The following SLC20A2 variants were observed in gnomAD, a reference collection of about 807,000 sequenced individuals.
The protein encoded by SLC20A2 is sodium-dependent phosphate transporter 2.
SLC20A2 carries 30 observed loss-of-function variants against 61.0 expected under a neutral mutation model. That is an observed-to-expected ratio of 0.49 (90% CI 0.37 to 0.67). SLC20A2 has a LOEUF of 0.67. Ranked by LOEUF, SLC20A2 falls within the 30% of genes least tolerant of loss-of-function variation. The probability of loss-of-function intolerance (pLI) is 0.00; values close to 1 mark genes in which losing one functional copy is unlikely to be tolerated. For synonymous variants in SLC20A2, 351 were observed against 353.3 expected (o/e 0.99, Z 0.07); for missense variants, 626 against 866.4 (o/e 0.72, Z 3.48).
intron 8 of SLC20A2, among the ~76,000 whole-genome samples, chr8:42,435,613 C>G (rs567533185): frequency 6.6e-6 from 1 of 151,372 alleles, no homozygotes; most frequent in South Asian, 2.1e-4. Flanking sequence ...CACACCAGGC[C>G]TGGGCGTGGG....
chr8:42,436,354 C>T (rs993032067), intron 8 of SLC20A2, among the ~76,000 whole-genome samples: 6 of 152,264 alleles, frequency 3.9e-5, no homozygotes, highest in African/African-American at 1.4e-4. Flanking sequence ...CATCCAGGGC[C>T]TCCGTCATCC....
intron 1 of SLC20A2, among the ~76,000 whole-genome samples, chr8:42,518,979 A>G (rs1811480590): frequency 6.6e-6 from 1 of 152,246 alleles, no homozygotes; most frequent in Admixed American, 6.5e-5. Flanking sequence ...TACTAATCTC[A>G]GCAGAGCCAT....
rs1456163126 is a variant in SLC20A2 at position 42,477,784 on chromosome 8, T to C, written c.-264-5130A>G. Among the ~76,000 whole-genome samples, 5 of 151,968 alleles carry C rather than the reference T, an allele frequency of 3.3e-5. 1 individual carries two copies. In the South Asian group the frequency reaches 1.0e-3, roughly 32 times the overall value. On this transcript the variant is annotated intron_variant, in intron 1 of 10. Coordinates refer to ENST00000520262, the MANE Select transcript of SLC20A2 (RefSeq NM_001257180.2). ...CTGCACCTGGCCTGGACAGGGACTTTTTAAGGGAAGAAGGGAAGCAAAGAG... is the reference window on the plus strand; with the variant it reads ...CTGCACCTGGCCTGGACAGGGACTTCTTAAGGGAAGAAGGGAAGCAAAGAG...
At chr8:42,529,374 CTATT>C (rs1463500200) in intron 1 of SLC20A2, among the ~76,000 whole-genome samples, 4 of 152,112 alleles carry the variant, frequency 2.6e-5, no homozygotes, top group Admixed American at 6.5e-5. Flanking sequence ...ACCCCAACAT[CTATT>C]TATTTACTTA....
rs115961682 is a variant in SLC20A2 at position 42,437,527 on chromosome 8, C to A, written c.985G>T (p.Gly329Cys). The A allele has an allele frequency of 1.9e-6, 3 of 1,613,856 alleles. No individual in the cohort carries two copies. In the East Asian group the frequency reaches 6.7e-5, roughly 36 times the overall value. The change falls in exon 8 of 11, where the codon GGC (glycine) becomes TGC (cysteine). Residue 329 changes from glycine to cysteine, a missense_variant. Coordinates refer to ENST00000520262, the MANE Select transcript of SLC20A2 (RefSeq NM_001257180.2). The surrounding 1 kb of genome is among the most constrained non-coding windows in gnomAD (Gnocchi z 6.4). Reference sequence around the variant, plus strand: ...GTGTGGCCGTCGAAGCCGAAGGTGCCGTTGGAGATGGGCGATTTCACAGAG... The same window carrying A: ...GTGTGGCCGTCGAAGCCGAAGGTGCAGTTGGAGATGGGCGATTTCACAGAG... ...HGSVKSPISN[G>C]TFGFDGHTRS... is the part of the protein sequence containing the mutation.
Position 42,418,112 on chromosome 8 carries a change from A to G in SLC20A2, c.1795-145T>C, listed in dbSNP as rs1802796506. ...TGTTAAAGCTTTTAAAATAGCTTAG[A>G]TTTTAGGTAGAATTGTTTGGGGATT... On this transcript the variant is annotated intron_variant, in intron 10 of 10. Coordinates refer to ENST00000520262, the MANE Select transcript of SLC20A2 (RefSeq NM_001257180.2). 5 of 592,754 alleles carry G rather than the reference A, an allele frequency of 8.4e-6. No individual in the cohort carries two copies. The Admixed American group carries it at 1.2e-4, about 14-fold the overall frequency. The allele number at this position is 592,754 out of a possible 1,614,324, so 36.7% of individuals were successfully genotyped here. A position where few individuals can be genotyped will look rare whatever the true frequency, so the allele number is the denominator to read the frequency against.
intron 1 of SLC20A2, among the ~76,000 whole-genome samples, chr8:42,515,499 C>T (rs925330193): frequency 6.6e-6 from 1 of 152,112 alleles, no homozygotes; most frequent in Admixed American, 6.6e-5. Flanking sequence ...CAGGTGCCGG[C>T]GCTGTGCTGA....
intron 1 of SLC20A2, among the ~76,000 whole-genome samples, chr8:42,474,607 A>T (rs1807909400): frequency 6.6e-6 from 1 of 152,324 alleles, no homozygotes; most frequent in South Asian, 2.1e-4. Context: ...CTATCTCAAG[A>T]TATAAACAAA....
chr8:42,475,234 G>C (rs957317312), intron 1 of SLC20A2, among the ~76,000 whole-genome samples: 1 of 151,938 alleles, frequency 6.6e-6, no homozygotes, highest in African/African-American at 2.4e-5. Flanking sequence ...TCAGTAGTTG[G>C]GACTACAGGC....
intron 7 of SLC20A2, 75 bp downstream of exon 7, chr8:42,439,375 C>A: frequency 6.9e-7 from 1 of 1,448,404 alleles, no homozygotes; most frequent in South Asian, 1.2e-5. Context: ...ATTGCCCACA[C>A]CCAGGCCCAG....
chr8:42,435,732 G>C (rs913501583), intron 8 of SLC20A2, among the ~76,000 whole-genome samples: 16 of 152,278 alleles, frequency 1.1e-4, no homozygotes, highest in African/African-American at 3.4e-4. Context: ...TGACCTGCAG[G>C]CTCGGGCGGC....
At chr8:42,530,165 A>G (rs1000666473) in intron 1 of SLC20A2, among the ~76,000 whole-genome samples, 10 of 152,230 alleles carry the variant, frequency 6.6e-5, no homozygotes, top group Non-Finnish European at 8.8e-5. Context: ...CTAATTTATC[A>G]GATGGTATAC....
intron 1 of SLC20A2, chr8:42,534,764 A>C (rs1029982968): frequency 4.6e-5 from 7 of 152,230 alleles, no homozygotes; most frequent in African/African-American, 1.4e-4. Flanking sequence ...TCACTATGAA[A>C]AAGCAATTCA....
intron 1 of SLC20A2, among the ~76,000 whole-genome samples, chr8:42,489,751 C>A (rs1436898385): frequency 6.6e-6 from 1 of 152,208 alleles, no homozygotes; most frequent in East Asian, 1.9e-4. Flanking sequence ...AGAGGTTGTG[C>A]TGAAGCCCCC....
At chr8:42,496,640 T>C (rs1809947468) in intron 1 of SLC20A2, among the ~76,000 whole-genome samples, 1 of 152,256 alleles carries the variant, frequency 6.6e-6, no homozygotes, top group Non-Finnish European at 1.5e-5. Flanking sequence ...CCCTGGGCTA[T>C]TTGTTGTAGA....
At chr8:42,461,093 C>T (rs1003996165) in intron 4 of SLC20A2, among the ~76,000 whole-genome samples, 3 of 152,112 alleles carry the variant, frequency 2.0e-5, no homozygotes, top group African/African-American at 7.2e-5. Flanking sequence ...TCAAGAGGCT[C>T]GAGTTGAATG....
intron 1 of SLC20A2, among the ~76,000 whole-genome samples, chr8:42,526,328 G>A (rs1372647259): frequency 1.3e-5 from 2 of 151,824 alleles, no homozygotes; most frequent in African/African-American, 2.4e-5. Flanking sequence ...ATATCTGACT[G>A]GTGAACTGAA....
At chr8:42,530,760 G>T (rs112260012) in intron 1 of SLC20A2, among the ~76,000 whole-genome samples, 19 of 152,248 alleles carry the variant, frequency 1.2e-4, no homozygotes, top group African/African-American at 3.8e-4. Flanking sequence ...CTGTCACCCA[G>T]GCTGGAGTGC....
At chr8:42,509,036 A>G (rs890975259) in intron 1 of SLC20A2, among the ~76,000 whole-genome samples, 2 of 152,198 alleles carry the variant, frequency 1.3e-5, no homozygotes, top group Admixed American at 6.5e-5. Context: ...ATAATTATAC[A>G]TGCCTCACGG....
Sources: gnomAD v4.1 joint callset for allele counts (sites outside exome capture counted in the v4.1 genomes callset) on GRCh38, gnomAD v4.1.1 for gene constraint, Gnocchi (gnomAD v3.1) non-coding constraint, MANE v1.5 for transcripts, NCBI Gene and HGNC (gene_info 2026-07-23, HGNC 2026-07-21) for gene names.